The following ANKRD26 variants were observed in gnomAD, a reference collection of about 807,000 sequenced individuals.
ANKRD26 encodes the protein ankyrin repeat domain-containing protein 26.
Under a neutral mutation model 208.7 loss-of-function variants are expected in ANKRD26, and 141 were observed. That is an observed-to-expected ratio of 0.68 (90% CI 0.59 to 0.78). ANKRD26 has a LOEUF of 0.78. Ranked by LOEUF, ANKRD26 falls within the 30% of genes least tolerant of loss-of-function variation. The pLI is 0.00. For synonymous variants in ANKRD26, 636 were observed against 660.4 expected, an observed-to-expected ratio of 0.96 and a Z score of 0.57; for missense variants, 1,889 against 1,938.7, an observed-to-expected ratio of 0.97 and a Z score of 0.48.
intron 32 of ANKRD26, among the ~76,000 whole-genome samples, chr10:27,008,553 C>T (rs1327431975): frequency 2.6e-5 from 4 of 152,120 alleles, no homozygotes; most frequent in Admixed American, 6.5e-5. Flanking sequence ...TTACTTCCTA[C>T]GTGTAATAAA....
downstream of ANKRD26, among the ~76,000 whole-genome samples, chr10:26,988,954 G>T (rs898520043): frequency 2.0e-5 from 3 of 151,986 alleles, no homozygotes; most frequent in African/African-American, 7.3e-5. Context: ...AAAGAATATG[G>T]TGGTGGGGAA....
intron 16 of ANKRD26, chr10:27,050,995 A>G (rs1589285655): frequency 8.7e-7 from 1 of 1,146,908 alleles, no homozygotes; most frequent in Non-Finnish European, 1.1e-6. Flanking sequence ...ATAAGCAGAA[A>G]ATCAGAATGG....
intron 5 of ANKRD26, 139 bp downstream of exon 5, chr10:27,086,400 C>T (rs2056116066): frequency 7.4e-6 from 8 of 1,083,988 alleles, no homozygotes; most frequent in African/African-American, 1.6e-5. Flanking sequence ...TCTAGATTAC[C>T]AAGAGAAATT....
At position 27,024,453 on chromosome 10, in the gene ANKRD26, ATC is replaced by A. The variant is rs769039255; in HGVS notation, c.4077_4078del (p.Glu1359AspfsTer5). 8 of 1,463,178 alleles carry A rather than the reference ATC, an allele frequency of 5.5e-6. No individual in the cohort carries two copies. Among genetic ancestry groups the A allele is most frequent in the Admixed American group, 3.4e-5 (2 of 58,944 alleles). 90.6% of individuals were successfully genotyped at this position (1,463,178 alleles called of 1,614,324 possible). ...TGAAATATTAAAATCTTACCCAGTT[ATC>A]TCTCTTTCTAATTCAACATTTTTCT... is the stretch of plus-strand genomic sequence containing the variant. On this transcript the variant is annotated frameshift_variant, in exon 28 of 34. Coordinates refer to ENST00000376087, the MANE Select transcript of ANKRD26 (RefSeq NM_014915.3). LOFTEE classifies it high-confidence loss of function.
chr10:27,049,243 T>G (rs2054564776), intron 16 of ANKRD26, among the ~76,000 whole-genome samples: 1 of 152,188 alleles, frequency 6.6e-6, no homozygotes, highest in Non-Finnish European at 1.5e-5. Context: ...TTTCAAAGGC[T>G]CTTCTTAATT....
intron 27 of ANKRD26, among the ~76,000 whole-genome samples, chr10:27,026,686 T>C (rs2053669429): frequency 6.6e-6 from 1 of 152,202 alleles, no homozygotes; most frequent in South Asian, 2.1e-4. Flanking sequence ...GTTCTGCTTG[T>C]TAAACATCAA....
At chr10:26,987,846 A>G (rs2052416456), downstream of ANKRD26, among the ~76,000 whole-genome samples, 1 of 152,194 alleles carries the variant, frequency 6.6e-6, no homozygotes, top group African/African-American at 2.4e-5. Context: ...AATATCTTCA[A>G]CAGACTTCTA....
downstream of ANKRD26, among the ~76,000 whole-genome samples, chr10:26,991,345 T>A (rs367921520): frequency 6.6e-6 from 1 of 152,118 alleles, no homozygotes; most frequent in Non-Finnish European, 1.5e-5. Context: ...AAATTAAGGA[T>A]GTGTGCCCAG....
chr10:27,069,822 AT>A (rs1206863463), intron 9 of ANKRD26, among the ~76,000 whole-genome samples: 1 of 152,180 alleles, frequency 6.6e-6, no homozygotes. Context: ...TCAATTACAT[AT>A]TTCAACATTT....
chr10:27,052,069 G>GT, intron 16 of ANKRD26: 1 of 985,372 alleles, frequency 1.0e-6, no homozygotes, highest in Non-Finnish European at 1.2e-6. Context: ...AGACATGAAA[G>GT]TGGACGATTA....
intron 9 of ANKRD26, among the ~76,000 whole-genome samples, chr10:27,074,013 TA>T (rs958139635): frequency 1.1e-4 from 17 of 150,526 alleles, no homozygotes; most frequent in African/African-American, 4.2e-4. Context: ...GAAAAATAAA[TA>T]AAAAAAAACC....
the ANKRD26 span, among the ~76,000 whole-genome samples, chr10:26,959,651 T>TC: frequency 6.6e-6 from 1 of 151,854 alleles, no homozygotes; most frequent in Non-Finnish European, 1.5e-5. Flanking sequence ...ACTTTTTTTT[T>TC]TTTTTTTTAG....
Position 27,079,105 on chromosome 10 carries a change from A to G in ANKRD26, c.797T>C (p.Leu266Pro). The G allele has an allele frequency of 1.2e-6, 2 of 1,613,494 alleles. No homozygotes were observed. The highest frequency in any genetic ancestry group is 8.5e-7 in the Non-Finnish European group (1 of 1,179,472). The stretch of plus-strand genomic sequence containing the variant: ...GCACTTTACCTTAGTATCAAAATTG[A>G]GGTCTTCGTCATCTGAGGTAGGCCA... ...DSWPTSDDEDLNFDTKNVPKP... is the reference protein window; with the variant it reads ...DSWPTSDDEDPNFDTKNVPKP... The change falls in exon 7 of 34, where the codon CTC becomes CCC. Residue 266 changes from leucine (L) to proline (P), a missense_variant. Around this residue, in one of 3 missense-constraint regions of ANKRD26, gnomAD observed 1,272 missense variants for 1,273.8 expected, o/e 1.00. Coordinates refer to ENST00000376087, the MANE Select transcript of ANKRD26 (RefSeq NM_014915.3).
chr10:27,092,481 C>CCAT lies in ANKRD26; in HGVS notation c.562_563insATG (p.Ser188delinsAsnGly), dbSNP rs757886132. 28 of 1,613,522 alleles carry CCAT rather than the reference C, an allele frequency of 1.7e-5. No individual in the cohort carries two copies. The highest frequency in any genetic ancestry group is 2.3e-5 in the Non-Finnish European group (27 of 1,179,912). ...TTCCACCATTTGCTGCTTTTTTCCACTTACTGCAAGTAAAAGTGGTGTGAG... is the reference window on the plus strand; with the variant it reads ...TTCCACCATTTGCTGCTTTTTTCCACCATTTACTGCAAGTAAAAGTGGTGTGAG... On this transcript the variant is annotated protein_altering_variant, in exon 4 of 34. Coordinates refer to ENST00000376087, the MANE Select transcript of ANKRD26 (RefSeq NM_014915.3).
the ANKRD26 span, among the ~76,000 whole-genome samples, chr10:26,957,058 A>T: frequency 6.6e-6 from 1 of 152,248 alleles, no homozygotes; most frequent in Non-Finnish European, 1.5e-5. Context: ...GAACTCATTC[A>T]GTGCACTTTT....
chr10:27,059,765 C>T (rs2054981146), intron 15 of ANKRD26, among the ~76,000 whole-genome samples: 1 of 150,624 alleles, frequency 6.6e-6, no homozygotes, highest in South Asian at 2.1e-4. Flanking sequence ...CAAAAATTAG[C>T]CGGGCATGGT....
At chr10:27,093,853 C>T (rs377505376) in intron 1 of ANKRD26, 54 bp from the exon 2 acceptor site, 1 of 1,308,012 alleles carries the variant, frequency 7.6e-7, no homozygotes, top group Non-Finnish European at 1.1e-6. Context: ...TCAAAACATA[C>T]AATGGTTCAT....
intron 6 of ANKRD26, chr10:27,080,743 A>G (rs905159959): frequency 1.9e-4 from 187 of 985,392 alleles, no homozygotes; most frequent in Non-Finnish European, 2.2e-4. Flanking sequence ...TCAAATGCCC[A>G]AGAGTAGAAG....
rs370244218 is a variant in ANKRD26 at position 27,051,659 on chromosome 10, G to A, written c.1635+1661C>T. On this transcript the variant is annotated intron_variant, in intron 16 of 33. Transcript: ENST00000376087. ...AAGATGACTGGCAAGCATATTCTGG[G>A]GACCCAGAGTATGAAGGAAATGAAA... 106 of 985,232 alleles carry A rather than the reference G, an allele frequency of 1.1e-4. No individual in the cohort carries two copies. The East Asian group carries it at 9.4e-3, about 88-fold the overall frequency. The allele number at this position is 985,232 out of a possible 1,614,324, so 61.0% of individuals were successfully genotyped here.
Sources: allele counts gnomAD v4.1 joint callset (sites outside exome capture counted in the v4.1 genomes callset), GRCh38; gene constraint gnomAD v4.1.1; regional missense constraint gnomAD v4.1.1; transcripts MANE v1.5; gene names NCBI Gene and HGNC (gene_info 2026-07-23, HGNC 2026-07-21).